Variants in ACTR3C observed in about 807,000 individuals in gnomAD.
ACTR3C encodes actin-related protein 3C.
In ACTR3C, 18 loss-of-function variants were observed where a neutral mutation model predicts 26.3. The observed-to-expected ratio is 0.68, with a 90% CI of 0.47 to 1.01. The LOEUF (loss-of-function observed/expected upper bound fraction) is 1.01, where lower values mean the gene tolerates loss of function less well. Ranked by LOEUF, ACTR3C falls within the 50% of genes least tolerant of loss-of-function variation. The probability of loss-of-function intolerance (pLI) is 0.00; values close to 1 mark genes in which losing one functional copy is unlikely to be tolerated. For synonymous variants in ACTR3C, 55 were observed against 94.5 expected (o/e 0.58, Z 2.42); for missense variants, 184 against 250.7 (o/e 0.73, Z 1.80).
At chr7:150,001,229 T>A in the ACTR3C span, 2 of 152,224 alleles carry the variant, frequency 1.3e-5, no homozygotes, top group African/African-American at 4.8e-5. Flanking sequence ...AAGCTTCCCC[T>A]TTCTACTTCT....
At chr7:149,964,166 T>C in the ACTR3C span, among the ~76,000 whole-genome samples, 1 of 152,196 alleles carries the variant, frequency 6.6e-6, no homozygotes, top group Admixed American at 6.5e-5. Flanking sequence ...AGCTGTGCCA[T>C]GTGGTTTCAC....
chr7:150,120,418 C>A, the ACTR3C span, among the ~76,000 whole-genome samples: 1 of 152,080 alleles, frequency 6.6e-6, no homozygotes, highest in Non-Finnish European at 1.5e-5. Context: ...ACTGATCCCA[C>A]ACAAAATACA....
chr7:150,239,822 G>A (rs1832085068), downstream of ACTR3C, among the ~76,000 whole-genome samples: 2 of 151,646 alleles, frequency 1.3e-5, no homozygotes, highest in African/African-American at 2.4e-5. Flanking sequence ...TGTGATCCCA[G>A]CTCAATGCAA....
chr7:150,099,568 G>C, the ACTR3C span, among the ~76,000 whole-genome samples: 29 of 151,734 alleles, frequency 1.9e-4, no homozygotes, highest in African/African-American at 6.8e-4. Context: ...TCACTGCTGG[G>C]CTGATCTGCA....
intron 1 of ACTR3C, among the ~76,000 whole-genome samples, chr7:150,302,474 G>T (rs1795501182): frequency 6.6e-6 from 1 of 151,710 alleles, no homozygotes. Flanking sequence ...ACTAAAAATA[G>T]TGGAACTGCT....
chr7:150,134,075 T>C, the ACTR3C span, among the ~76,000 whole-genome samples: 1 of 152,184 alleles, frequency 6.6e-6, no homozygotes, highest in Non-Finnish European at 1.5e-5. Context: ...ATGAGGCTTG[T>C]CATTTTGTTC....
At chr7:150,147,343 T>G in the ACTR3C span, among the ~76,000 whole-genome samples, 1 of 151,590 alleles carries the variant, frequency 6.6e-6, no homozygotes, top group African/African-American at 2.4e-5. Context: ...AAGCAAAATA[T>G]GAAGAAAAAA....
the ACTR3C span, among the ~76,000 whole-genome samples, chr7:149,946,603 T>G: frequency 6.6e-6 from 1 of 152,082 alleles, no homozygotes; most frequent in Non-Finnish European, 1.5e-5. Context: ...GGTGCCCAAG[T>G]GCTGAGGGCA....
chr7:150,000,788 G>C, the ACTR3C span: 3 of 138,892 alleles, frequency 2.2e-5, no homozygotes, highest in Non-Finnish European at 4.8e-5. Context: ...TCCTGGGAGA[G>C]AAGCAGAAAT....
At chr7:150,278,426 C>T (rs1835059251) in intron 6 of ACTR3C, among the ~76,000 whole-genome samples, 2 of 152,240 alleles carry the variant, frequency 1.3e-5, no homozygotes, top group South Asian at 4.1e-4. Context: ...CACTGAGCAC[C>T]ATTGGAGAGC....
the ACTR3C span, among the ~76,000 whole-genome samples, chr7:150,165,867 G>A: frequency 6.6e-6 from 1 of 151,436 alleles, no homozygotes; most frequent in African/African-American, 2.5e-5. Flanking sequence ...TGGAGCATGT[G>A]CAAGGAGACC....
the ACTR3C span, among the ~76,000 whole-genome samples, chr7:150,197,198 A>G: frequency 6.6e-6 from 1 of 152,160 alleles, no homozygotes; most frequent in Admixed American, 6.6e-5. Context: ...CACTCTTCCC[A>G]GGCTTCCCTG....
chr7:150,037,444 T>C, the ACTR3C span, among the ~76,000 whole-genome samples: 2 of 41,954 alleles, frequency 4.8e-5, no homozygotes, highest in East Asian at 1.4e-3. Context: ...TCTCAATCCC[T>C]GCCTCGCGGG....
the ACTR3C span, among the ~76,000 whole-genome samples, chr7:150,119,633 T>A: frequency 6.6e-6 from 1 of 152,118 alleles, no homozygotes; most frequent in African/African-American, 2.4e-5. Flanking sequence ...AAAATAATAG[T>A]GGGATACTTC....
At chr7:150,236,680 A>T in the ACTR3C span, among the ~76,000 whole-genome samples, 1 of 151,798 alleles carries the variant, frequency 6.6e-6, no homozygotes, top group Admixed American at 6.6e-5. Context: ...AACAATTCCC[A>T]CCAATCAGAA....
At chr7:150,127,600 T>G in the ACTR3C span, among the ~76,000 whole-genome samples, 1 of 152,090 alleles carries the variant, frequency 6.6e-6, no homozygotes, top group Non-Finnish European at 1.5e-5. Flanking sequence ...GAGCCTTATA[T>G]AGAGAATGAA....
the ACTR3C span, among the ~76,000 whole-genome samples, chr7:149,905,178 T>C: frequency 6.6e-6 from 1 of 151,588 alleles, no homozygotes. Context: ...ACCCACTAGA[T>C]TAAAACATGA....
chr7:150,307,670 G>C (rs912632206), intron 1 of ACTR3C, among the ~76,000 whole-genome samples: 10 of 152,186 alleles, frequency 6.6e-5, no homozygotes, highest in African/African-American at 2.4e-4. Context: ...CACAAAGCCT[G>C]TTAGGTGGTC....
At chr7:149,882,330 C>T in the ACTR3C span, among the ~76,000 whole-genome samples, 2 of 152,188 alleles carry the variant, frequency 1.3e-5, no homozygotes, top group African/African-American at 2.4e-5. Flanking sequence ...GACACTCTCC[C>T]GGGATGTGTG....
Sources: allele counts gnomAD v4.1 joint callset (sites outside exome capture counted in the v4.1 genomes callset), GRCh38; gene constraint gnomAD v4.1.1; transcripts MANE v1.5; gene names NCBI Gene and HGNC (gene_info 2026-07-23, HGNC 2026-07-21).